The following CHN2 variants were observed in gnomAD, a reference collection of about 807,000 sequenced individuals.
The protein encoded by CHN2 is chimerin 2.
A neutral mutation model predicts 56.3 loss-of-function variants in CHN2; 35 were observed. The observed-to-expected ratio is 0.62, with a 90% CI of 0.47 to 0.82. The LOEUF (loss-of-function observed/expected upper bound fraction) is 0.82. Ranked by LOEUF, CHN2 falls within the 40% of genes least tolerant of loss-of-function variation. The pLI, the probability that CHN2 is intolerant of heterozygous loss-of-function variation, is 0.00. For missense variants in CHN2, 491 were observed against 580.5 expected, an observed-to-expected ratio of 0.85 and a Z score of 1.58; for synonymous variants, 210 against 212.8, an observed-to-expected ratio of 0.99 and a Z score of 0.12.
At chr7:29,226,963 C>T (rs1786256691) in intron 1 of CHN2, among the ~76,000 whole-genome samples, 1 of 152,198 alleles carries the variant, frequency 6.6e-6, no homozygotes, top group Non-Finnish European at 1.5e-5. Context: ...AATGAATACA[C>T]ACACACAGTT....
chr7:29,282,383 C>T (rs1486577135), intron 1 of CHN2, among the ~76,000 whole-genome samples: 1 of 152,204 alleles, frequency 6.6e-6, no homozygotes, highest in Non-Finnish European at 1.5e-5. Context: ...CAGCTGTTGG[C>T]TGTCTACATG....
At chr7:29,257,179 A>T (rs569133652) in intron 1 of CHN2, among the ~76,000 whole-genome samples, 26 of 152,246 alleles carry the variant, frequency 1.7e-4, no homozygotes, top group African/African-American at 5.8e-4. Context: ...ACCACACCTG[A>T]GTACCGTGAA....
intron 1 of CHN2, among the ~76,000 whole-genome samples, chr7:29,256,360 A>G (rs1211933714): frequency 6.6e-6 from 1 of 152,224 alleles, no homozygotes; most frequent in Non-Finnish European, 1.5e-5. Context: ...CATAGTTTTA[A>G]TGTTTATCGA....
In CHN2 at chr7:29,379,749, C is replaced by G. The variant is rs369091306; in HGVS notation, c.144+11762C>G. 1.1e-4 allele frequency among the ~76,000 whole-genome samples: 16 copies of G among 152,120 alleles called. No homozygotes were observed. In the East Asian group the frequency reaches 1.9e-3, roughly 18 times the overall value. On this transcript the variant is annotated intron_variant, in intron 3 of 12. Coordinates refer to ENST00000222792, the MANE Select transcript of CHN2 (RefSeq NM_004067.4). ...CAAAGACATTCTCTTGGGTGCACAG[C>G]CCTGACAGGTGGGAGGATGACTTGG...
chr7:29,432,778 G>A (rs1357102571), intron 6 of CHN2, among the ~76,000 whole-genome samples: 2 of 151,788 alleles, frequency 1.3e-5, no homozygotes, highest in East Asian at 1.9e-4. Flanking sequence ...TTTATCTCTC[G>A]TTGTTGTTTT....
intron 6 of CHN2, among the ~76,000 whole-genome samples, chr7:29,422,883 C>T (rs1007782133): frequency 2.0e-5 from 3 of 152,298 alleles, no homozygotes; most frequent in Non-Finnish European, 4.4e-5. Flanking sequence ...CTGAGAAACA[C>T]ACTTTGGGAG....
chr7:29,359,534 G>A (rs1798567458), intron 2 of CHN2, among the ~76,000 whole-genome samples: 1 of 151,880 alleles, frequency 6.6e-6, no homozygotes, highest in Admixed American at 6.6e-5. Context: ...TGCCCTCTCT[G>A]TTCCTTTCCT....
intron 1 of CHN2, among the ~76,000 whole-genome samples, chr7:29,238,062 G>C (rs971483776): frequency 1.5e-5 from 2 of 133,724 alleles, no homozygotes; most frequent in Non-Finnish European, 3.1e-5. Flanking sequence ...CTGTCACCCA[G>C]GCTGGAGTGC....
chr7:29,183,299 G>A (rs1798298779), intron 2 of CHN2, among the ~76,000 whole-genome samples: 1 of 151,890 alleles, frequency 6.6e-6, no homozygotes, highest in South Asian at 2.1e-4. Flanking sequence ...GGTCAGGCTG[G>A]TCTCGAACTC....
chr7:29,171,760 A>G (rs930813946), intron 2 of CHN2, among the ~76,000 whole-genome samples: 3 of 152,338 alleles, frequency 2.0e-5, no homozygotes, highest in Non-Finnish European at 4.4e-5. Context: ...TCATTTTTCC[A>G]TAATATAATA....
chr7:29,374,037 A>G (rs987831427), intron 3 of CHN2, among the ~76,000 whole-genome samples: 3 of 152,266 alleles, frequency 2.0e-5, no homozygotes, highest in Non-Finnish European at 4.4e-5. Flanking sequence ...ACAAAAATCA[A>G]TCTCATTACC....
intron 2 of CHN2, among the ~76,000 whole-genome samples, chr7:29,159,312 A>G (rs1055157992): frequency 5.3e-5 from 8 of 152,234 alleles, no homozygotes; most frequent in Non-Finnish European, 8.8e-5. Flanking sequence ...GGTTAGAAGC[A>G]GAATAAGGGT....
chr7:29,335,877 C>G (rs887576488), intron 1 of CHN2: 1 of 152,198 alleles, frequency 6.6e-6, no homozygotes, highest in Non-Finnish European at 1.5e-5. Context: ...GTGGGTTGAG[C>G]AAACAAACAT....
chr7:29,215,072 G>A (rs545176273), intron 1 of CHN2, among the ~76,000 whole-genome samples: 1 of 152,298 alleles, frequency 6.6e-6, no homozygotes, highest in Admixed American at 6.5e-5. Context: ...TGAGTAAATG[G>A]AGACATGAAC....
intron 7 of CHN2, among the ~76,000 whole-genome samples, chr7:29,490,772 A>T (rs1297834861): frequency 6.6e-6 from 1 of 152,132 alleles, no homozygotes; most frequent in East Asian, 1.9e-4. Flanking sequence ...CTCTATTTGA[A>T]ATGTTATTAT....
At chr7:29,364,023 A>G (rs2128036104) in intron 2 of CHN2, among the ~76,000 whole-genome samples, 1 of 152,298 alleles carries the variant, frequency 6.6e-6, no homozygotes, top group Middle Eastern at 3.4e-3. Flanking sequence ...AAATTAAACC[A>G]ACAAACAGAC....
chr7:29,308,218 C>T (rs566506274), intron 1 of CHN2, among the ~76,000 whole-genome samples: 2 of 152,302 alleles, frequency 1.3e-5, no homozygotes, highest in East Asian at 3.9e-4. Context: ...TCCCACTCCT[C>T]CAGCTGTCTT....
At chr7:29,373,712 T>C (rs544976785) in intron 3 of CHN2, among the ~76,000 whole-genome samples, 4 of 152,348 alleles carry the variant, frequency 2.6e-5, no homozygotes, top group Non-Finnish European at 2.9e-5. Flanking sequence ...TAAAATTGTA[T>C]TAATCATATC....
At chr7:29,205,665 C>T (rs968714447) in intron 1 of CHN2, among the ~76,000 whole-genome samples, 1 of 152,136 alleles carries the variant, frequency 6.6e-6, no homozygotes, top group Admixed American at 6.5e-5. Context: ...CCTTTCAAAT[C>T]CTTGGAGTGT....
Sources: gnomAD v4.1 joint callset for allele counts (sites outside exome capture counted in the v4.1 genomes callset) on GRCh38, gnomAD v4.1.1 for gene constraint, MANE v1.5 for transcripts, NCBI Gene and HGNC (gene_info 2026-07-23, HGNC 2026-07-21) for gene names.